RMST: variants seen among roughly 807,000 people sequenced by gnomAD.
RMST encodes the protein long intergenic non-protein coding RNA 54.
At chr12:97,479,189 G>C (rs1489426949) in intron 5 of RMST, among the ~76,000 whole-genome samples, 1 of 129,754 alleles carries the variant, frequency 7.7e-6, no homozygotes, top group Non-Finnish European at 1.5e-5. Flanking sequence ...GCCCAGCCTG[G>C]AGTGCAGTGG....
intron 11 of RMST, among the ~76,000 whole-genome samples, chr12:97,556,633 C>T (rs946547354): frequency 7.2e-5 from 11 of 152,166 alleles, no homozygotes; most frequent in African/African-American, 2.7e-4. Flanking sequence ...TCCATTGCCT[C>T]TGTACTGACT....
At chr12:97,471,378 C>T (rs1157524212) in intron 5 of RMST, among the ~76,000 whole-genome samples, 1 of 152,086 alleles carries the variant, frequency 6.6e-6, no homozygotes, top group Non-Finnish European at 1.5e-5. Context: ...GCTGAAGCAG[C>T]CCCATTCTTT....
At chr12:97,469,178 GTGTA>G (rs1347966359) in intron 5 of RMST, among the ~76,000 whole-genome samples, 153 of 132,140 alleles carry the variant, frequency 1.2e-3, no homozygotes, top group Non-Finnish European at 1.9e-3. Flanking sequence ...GTGTGTGTGT[GTGTA>G]TGTGTGTATA....
intron 5 of RMST, among the ~76,000 whole-genome samples, chr12:97,474,425 G>T (rs574018922): frequency 1.3e-5 from 2 of 152,090 alleles, no homozygotes; most frequent in East Asian, 3.9e-4. Flanking sequence ...ATAGCCATTT[G>T]CAGGGGACAC....
intron 10 of RMST, among the ~76,000 whole-genome samples, chr12:97,521,288 CA>C (rs1182489107): frequency 6.6e-6 from 1 of 152,160 alleles, no homozygotes; most frequent in East Asian, 1.9e-4. Flanking sequence ...TCAAAGCTGT[CA>C]GAATAATTTC....
intron 4 of RMST, chr12:97,465,169 TC>T (rs1873035475): frequency 6.6e-6 from 1 of 152,110 alleles, no homozygotes; most frequent in Non-Finnish European, 1.5e-5. Flanking sequence ...GAGTAAGAAG[TC>T]AGGAGTAGTT....
At chr12:97,464,942 C>T (rs1270064870) in intron 4 of RMST, 1 of 152,184 alleles carries the variant, frequency 6.6e-6, no homozygotes, top group African/African-American at 2.4e-5. Context: ...CCACAAACAG[C>T]TATCTTTTAT....
At chr12:97,467,043 A>T (rs1873275205) in intron 5 of RMST, among the ~76,000 whole-genome samples, 1 of 152,054 alleles carries the variant, frequency 6.6e-6, no homozygotes, top group Admixed American at 6.5e-5. Flanking sequence ...AAAAGAAGGA[A>T]ACAAGGAGTA....
chr12:97,519,162 G>A (rs1235488981), intron 10 of RMST, among the ~76,000 whole-genome samples: 1 of 152,120 alleles, frequency 6.6e-6, no homozygotes, highest in Non-Finnish European at 1.5e-5. Flanking sequence ...CACACATTTG[G>A]TACTTAGGGT....
At chr12:97,502,373 C>T (rs1487628486) in intron 10 of RMST, among the ~76,000 whole-genome samples, 1 of 152,182 alleles carries the variant, frequency 6.6e-6, no homozygotes, top group African/African-American at 2.4e-5. Flanking sequence ...GGAGATAAAA[C>T]TCTGAATACT....
rs1052533027 is a variant in RMST at position 97,515,727 on chromosome 12, A to G, written n.1341-14928A>G. Among the ~76,000 whole-genome samples the G allele has an allele frequency of 2.6e-5, 4 of 152,116 alleles. No individual in the cohort carries two copies. In the East Asian group the frequency reaches 5.8e-4, roughly 22 times the overall value. Reference sequence around the variant, plus strand: ...TATCTCTAATATTTGTAATTTTTACATTGTTATAGGGTGATAAGTCCCAGG... The same window carrying G: ...TATCTCTAATATTTGTAATTTTTACGTTGTTATAGGGTGATAAGTCCCAGG... On this transcript the variant is annotated intron_variant and non_coding_transcript_variant, in intron 10 of 13. Transcript: ENST00000640149.
chr12:97,550,276 C>T (rs1480191093), intron 11 of RMST, among the ~76,000 whole-genome samples: 1 of 152,126 alleles, frequency 6.6e-6, no homozygotes, highest in Non-Finnish European at 1.5e-5. Flanking sequence ...CCTGTAGTCC[C>T]AGCTACTTGG....
intron 5 of RMST, among the ~76,000 whole-genome samples, chr12:97,475,074 A>G (rs569017632): frequency 1.3e-5 from 2 of 152,304 alleles, no homozygotes; most frequent in Admixed American, 6.5e-5. Context: ...TAAACGTGAA[A>G]TCTAAATTGC....
chr12:97,542,280 C>T (rs1464938776), intron 11 of RMST, among the ~76,000 whole-genome samples: 2 of 151,788 alleles, frequency 1.3e-5, no homozygotes, highest in African/African-American at 4.8e-5. Context: ...ACAAGAACTA[C>T]TCTATTATCA....
intron 11 of RMST, among the ~76,000 whole-genome samples, chr12:97,541,915 T>C (rs1202697107): frequency 3.3e-5 from 5 of 151,946 alleles, no homozygotes; most frequent in Non-Finnish European, 7.4e-5. Flanking sequence ...CAAGGCACAA[T>C]GTCTTCCAGG....
intron 10 of RMST, among the ~76,000 whole-genome samples, chr12:97,502,314 A>G (rs1767078092): frequency 6.6e-6 from 1 of 152,204 alleles, no homozygotes; most frequent in Admixed American, 6.6e-5. Context: ...TTATTCATTT[A>G]TGGAGTGCAC....
intron 5 of RMST, among the ~76,000 whole-genome samples, chr12:97,482,976 C>G (rs1875606761): frequency 6.6e-6 from 1 of 151,812 alleles, no homozygotes; most frequent in African/African-American, 2.4e-5. Context: ...GAGCAAATAG[C>G]TGAGAATTTG....
rs374578511 is a variant in RMST, at chr12:97,510,020, G to A, written n.1340+13964G>A. Among the ~76,000 whole-genome samples the A allele has an allele frequency of 2.0e-5, 3 of 152,208 alleles. No individual in the cohort carries two copies. In the East Asian group the frequency reaches 5.8e-4, roughly 29 times the overall value. Reference sequence around the variant, plus strand: ...TAGCACAATGTTTGACACATAGAGGGTGGTCAATAAAAGACTGCTGGATAA... The same window carrying A: ...TAGCACAATGTTTGACACATAGAGGATGGTCAATAAAAGACTGCTGGATAA... On this transcript the variant is annotated intron_variant and non_coding_transcript_variant, in intron 10 of 13. Transcript: ENST00000640149.
At position 97,478,246 on chromosome 12, in the gene RMST, A is replaced by AT. The variant is rs201383171; in HGVS notation, n.644+12519_644+12520insT. Among the ~76,000 whole-genome samples the AT allele has an allele frequency of 7.5e-4, 115 of 152,334 alleles. 3 individuals are homozygous for AT. In the East Asian group the frequency reaches 0.021, roughly 27 times the overall value. On this transcript the variant is annotated intron_variant and non_coding_transcript_variant, in intron 5 of 13. Coordinates refer to ENST00000640149, the Ensembl canonical transcript of RMST. ...ATTATCAGTAGATATTTCTCTTCTA[A>AT]GATGTACACCATAATTTTATGACCT...
Sources: gnomAD v4.1 joint callset for allele counts (sites outside exome capture counted in the v4.1 genomes callset) on GRCh38, gnomAD v4.1.1 for gene constraint, MANE v1.5 for transcripts, NCBI Gene and HGNC (gene_info 2026-07-23, HGNC 2026-07-21) for gene names.